Variants in AKAP12 observed in about 807,000 individuals in gnomAD.
The protein encoded by AKAP12 is A-kinase anchor protein 12.
A neutral mutation model predicts 79.9 loss-of-function variants in AKAP12; 32 were observed. The ratio of observed to expected loss-of-function variants is 0.40; its 90% CI spans 0.30 to 0.54. The LOEUF (loss-of-function observed/expected upper bound fraction) is 0.54. Ranked by LOEUF, AKAP12 falls within the 20% of genes least tolerant of loss-of-function variation. AKAP12 has a pLI of 0.48. For synonymous variants in AKAP12, 808 were observed against 857.0 expected, an observed-to-expected ratio of 0.94 and a Z score of 1.00; for missense variants, 2,074 against 2,177.0, an observed-to-expected ratio of 0.95 and a Z score of 0.94.
chr6:151,258,551 C>G (rs1473574053), intron 2 of AKAP12, among the ~76,000 whole-genome samples: 1 of 152,204 alleles, frequency 6.6e-6, no homozygotes. Context: ...TAGGGCTATT[C>G]TTGTAAGATT....
chr6:151,273,449 C>T (rs758633299), intron 2 of AKAP12, among the ~76,000 whole-genome samples: 1 of 152,174 alleles, frequency 6.6e-6, no homozygotes, highest in African/African-American at 2.4e-5. Context: ...ATGACTCTCG[C>T]GTAAATCACT....
intron 2 of AKAP12, among the ~76,000 whole-genome samples, chr6:151,259,511 TACACACACAC>T (rs373506742): frequency 4.9e-4 from 50 of 101,120 alleles, no homozygotes; most frequent in African/African-American, 2.3e-4. Flanking sequence ...TATATATATA[TACACACACAC>T]ACACACACAC....
At chr6:151,330,371 T>C (rs1416375414) in intron 3 of AKAP12, among the ~76,000 whole-genome samples, 2 of 152,180 alleles carry the variant, frequency 1.3e-5, no homozygotes, top group African/African-American at 4.8e-5. Flanking sequence ...TTTATGAATT[T>C]GCATATATCT....
intron 3 of AKAP12, chr6:151,323,618 C>T: frequency 1.3e-6 from 1 of 765,482 alleles, no homozygotes; most frequent in Non-Finnish European, 1.6e-6. Context: ...AGAAATGTTT[C>T]AGTGCCAAAA....
intron 2 of AKAP12, among the ~76,000 whole-genome samples, chr6:151,244,926 T>A (rs961214824): frequency 6.6e-6 from 1 of 152,222 alleles, no homozygotes; most frequent in Non-Finnish European, 1.5e-5. Context: ...ATGAATAAGA[T>A]AAGTGGAGAT....
Position 151,349,052 on chromosome 6 carries a change from G to A in AKAP12, c.661G>A (p.Gly221Arg). ...GAGDHKDPSLGAGEAASKESE... is the reference protein window; with the variant it reads ...GAGDHKDPSLRAGEAASKESE... ...TGGCGACCACAAGGACCCCAGCCTT[G>A]GGGCTGGAGAAGCAGCATCCAAAGA... The change falls in exon 4 of 5, where the codon GGG (glycine) becomes AGG (arginine). Residue 221 changes from glycine to arginine, a missense_variant. Gly to Arg is a moderately radical substitution (Grantham distance 125). Around this residue, in one of 3 missense-constraint regions of AKAP12, gnomAD observed 1,428 missense variants for 1,451.0 expected, o/e 0.98. Transcript: ENST00000402676. The A allele has an allele frequency of 6.2e-7, 1 of 1,612,648 alleles. No individual in the cohort carries two copies. The highest frequency in any genetic ancestry group is 8.5e-7 in the Non-Finnish European group (1 of 1,179,670).
intron 2 of AKAP12, among the ~76,000 whole-genome samples, chr6:151,282,666 G>A (rs1260851435): frequency 6.6e-6 from 1 of 152,178 alleles, no homozygotes; most frequent in Non-Finnish European, 1.5e-5. Context: ...TCCGCAGTGA[G>A]GGGCTCTGCC....
chr6:151,274,090 G>C (rs866260384), intron 2 of AKAP12, among the ~76,000 whole-genome samples: 19 of 131,288 alleles, frequency 1.4e-4, no homozygotes, highest in African/African-American at 5.3e-4. Flanking sequence ...TTTTTTTTTT[G>C]AGACAGGATC....
chr6:151,264,743 A>C (rs1797515357), intron 2 of AKAP12, among the ~76,000 whole-genome samples: 1 of 152,114 alleles, frequency 6.6e-6, no homozygotes, highest in Admixed American at 6.6e-5. Flanking sequence ...TTTTTAGGTA[A>C]TATATCTGTA....
At chr6:151,285,253 T>A (rs1776476825) in intron 2 of AKAP12, among the ~76,000 whole-genome samples, 1 of 152,226 alleles carries the variant, frequency 6.6e-6, no homozygotes, top group African/African-American at 2.4e-5. Flanking sequence ...CTCTCAGAAC[T>A]ATTTTTCCCA....
intron 3 of AKAP12, among the ~76,000 whole-genome samples, chr6:151,320,724 C>T (rs537872160): frequency 2.2e-4 from 34 of 152,304 alleles, no homozygotes; most frequent in African/African-American, 7.0e-4. Flanking sequence ...CTCTTCCTCC[C>T]GTCATCACAG....
intron 3 of AKAP12, among the ~76,000 whole-genome samples, chr6:151,335,736 G>A (rs1777796452): frequency 6.6e-6 from 1 of 152,146 alleles, no homozygotes; most frequent in South Asian, 2.1e-4. Flanking sequence ...GCCTCCCAAA[G>A]TGCTGGGATT....
At chr6:151,320,178 T>C (rs548838292) in intron 3 of AKAP12, among the ~76,000 whole-genome samples, 1 of 152,180 alleles carries the variant, frequency 6.6e-6, no homozygotes, top group African/African-American at 2.4e-5. Context: ...TCAGGAAAAA[T>C]AGAGGAAAGT....
At chr6:151,248,423 A>T (rs1180935205) in intron 2 of AKAP12, among the ~76,000 whole-genome samples, 1 of 152,080 alleles carries the variant, frequency 6.6e-6, no homozygotes, top group Non-Finnish European at 1.5e-5. Flanking sequence ...TAAAATGCTC[A>T]TCAGATATTC....
intron 3 of AKAP12, chr6:151,324,142 C>G (rs1777465115): frequency 1.0e-6 from 1 of 985,222 alleles, no homozygotes; most frequent in Non-Finnish European, 1.2e-6. Flanking sequence ...AAAATTGGAG[C>G]AATTTGTGAA....
chr6:151,345,880 A>G (rs1778081922), intron 3 of AKAP12, among the ~76,000 whole-genome samples: 1 of 134,600 alleles, frequency 7.4e-6, no homozygotes. Flanking sequence ...TCATATGTGA[A>G]GGATGTGTGT....
intron 2 of AKAP12, among the ~76,000 whole-genome samples, chr6:151,285,263 AT>A (rs1776477102): frequency 6.6e-6 from 1 of 152,158 alleles, no homozygotes; most frequent in Non-Finnish European, 1.5e-5. Flanking sequence ...TATTTTTCCC[AT>A]TGTCATAGGA....
intron 4 of AKAP12, among the ~76,000 whole-genome samples, chr6:151,355,360 T>A (rs528368512): frequency 6.6e-6 from 1 of 151,976 alleles, no homozygotes; most frequent in Admixed American, 6.6e-5. Flanking sequence ...TGGAGTGCAG[T>A]GGCACAATCT....
chr6:151,350,357 G>A lies in AKAP12; in HGVS notation c.1966G>A (p.Glu656Lys). 6.2e-7 allele frequency: 1 copy of A among 1,613,862 alleles called. No homozygotes were observed. Among genetic ancestry groups the A allele is most frequent in the South Asian group, 1.1e-5 (1 of 91,054 alleles). ...GAGCACAGCCTCTGAAATGCAAGAA[G>A]AAATGAAAGGGAGCGTGGAAGAGCC... is the stretch of plus-strand genomic sequence containing the variant. ...TESTASEMQE[E>K]MKGSVEEPKP... The change falls in exon 4 of 5, where the codon GAA becomes AAA. Residue 656 changes from glutamate to lysine, a missense_variant. Glu to Lys is a moderately conservative substitution (Grantham distance 56). Transcript: ENST00000402676. The surrounding 1 kb of genome is among the most constrained non-coding windows in gnomAD (Gnocchi z 4.8).
Sources: gnomAD v4.1 joint callset for allele counts (sites outside exome capture counted in the v4.1 genomes callset) on GRCh38, gnomAD v4.1.1 for gene constraint, gnomAD v4.1.1 regional missense constraint, Gnocchi (gnomAD v3.1) non-coding constraint, MANE v1.5 for transcripts, NCBI Gene and HGNC (gene_info 2026-07-23, HGNC 2026-07-21) for gene names.